DIAPH2: variants seen among roughly 807,000 people sequenced by gnomAD.
DIAPH2 encodes the protein protein diaphanous homolog 2.
Under a neutral mutation model 92.7 loss-of-function variants are expected in DIAPH2, and 35 were observed. The observed-to-expected ratio is 0.38, with a 90% CI of 0.29 to 0.50. DIAPH2 has a LOEUF of 0.50. Ranked by LOEUF, DIAPH2 falls within the 20% of genes least tolerant of loss-of-function variation. The pLI, the probability that DIAPH2 is intolerant of heterozygous loss-of-function variation, is 0.94. For missense variants in DIAPH2, 701 were observed against 819.5 expected, an observed-to-expected ratio of 0.86 and a Z score of 1.77; for synonymous variants, 301 against 280.4, an observed-to-expected ratio of 1.07 and a Z score of -0.73.
intron 26 of DIAPH2, among the ~76,000 whole-genome samples, chrX:97,527,093 G>A (rs376348939): frequency 2.5e-4 from 28 of 111,998 alleles, no homozygotes; most frequent in Middle Eastern, 4.6e-3. Context: ...CACTGCAAGC[G>A]AAAGAAAAAT....
intron 26 of DIAPH2, among the ~76,000 whole-genome samples, chrX:97,471,063 G>C (rs1344039284): frequency 1.8e-5 from 2 of 111,737 alleles, no homozygotes; most frequent in Non-Finnish European, 3.8e-5. Flanking sequence ...TTTTCCTCTG[G>C]TCTTTCTCAC....
At chrX:96,873,751 C>G (rs1160598580) in intron 4 of DIAPH2, among the ~76,000 whole-genome samples, 4 of 106,868 alleles carry the variant, frequency 3.7e-5, no homozygotes, top group African/African-American at 1.4e-4. Context: ...ACAAATAAAA[C>G]TAGGGAAATT....
At chrX:96,686,302 A>C (rs751398049) in intron 1 of DIAPH2, among the ~76,000 whole-genome samples, 6 of 111,900 alleles carry the variant, frequency 5.4e-5, no homozygotes, top group Non-Finnish European at 9.4e-5. Flanking sequence ...TCAGTGATTA[A>C]AAATTTAAGT....
chrX:97,496,705 G>C (rs1473355805), intron 26 of DIAPH2, among the ~76,000 whole-genome samples: 8 of 97,888 alleles, frequency 8.2e-5, no homozygotes, highest in African/African-American at 3.1e-4. Context: ...TGTCACCAAG[G>C]GGGGAGTGCC....
intron 4 of DIAPH2, among the ~76,000 whole-genome samples, chrX:96,868,690 AAGC>A (rs2065120014): frequency 9.0e-6 from 1 of 111,458 alleles, no homozygotes. Flanking sequence ...ATACCTGAAT[AAGC>A]TCTGCTGGGA....
At chrX:97,323,923 A>T (rs1411455032) in intron 23 of DIAPH2, among the ~76,000 whole-genome samples, 1 of 109,637 alleles carries the variant, frequency 9.1e-6, no homozygotes, top group Non-Finnish European at 1.9e-5. Context: ...AAAAAAAAAA[A>T]AATAAGTAAG....
intron 9 of DIAPH2, among the ~76,000 whole-genome samples, chrX:96,919,643 T>G (rs1602629146): frequency 9.0e-6 from 1 of 111,646 alleles, no homozygotes; most frequent in Non-Finnish European, 1.9e-5. Flanking sequence ...AAGTATTTTT[T>G]GTATTATGTA....
At chrX:97,549,630 C>T (rs1381677139) in intron 26 of DIAPH2, among the ~76,000 whole-genome samples, 1 of 111,099 alleles carries the variant, frequency 9.0e-6, no homozygotes, top group Non-Finnish European at 1.9e-5. Context: ...TGATAAATTA[C>T]CACTTAATCT....
chrX:97,185,411 G>GTGTATA, intron 22 of DIAPH2, among the ~76,000 whole-genome samples: 1 of 26,648 alleles, frequency 3.8e-5, no homozygotes, highest in African/African-American at 2.3e-4. Flanking sequence ...ATATATATAT[G>GTGTATA]TATATATATA....
chrX:97,400,848 T>G (rs909154693), intron 25 of DIAPH2, among the ~76,000 whole-genome samples: 1 of 111,212 alleles, frequency 9.0e-6, no homozygotes, highest in African/African-American at 3.3e-5. Flanking sequence ...AGTAGGATCA[T>G]TATTTTTATT....
chrX:97,427,681 T>TTTTTGTTTTTGA (rs2070083936), intron 25 of DIAPH2, among the ~76,000 whole-genome samples: 4 of 109,334 alleles, frequency 3.7e-5, no homozygotes. Context: ...TTTGTTTTTG[T>TTTTTGTTTTTGA]TTTTGTTTTT....
At chrX:97,356,059 C>T (rs1485385766) in intron 24 of DIAPH2, among the ~76,000 whole-genome samples, 2 of 111,691 alleles carry the variant, frequency 1.8e-5, no homozygotes, top group African/African-American at 6.5e-5. Context: ...TCCTACTGCT[C>T]CAATTTTGTC....
At chrX:96,775,633 A>G (rs185701135) in intron 4 of DIAPH2, among the ~76,000 whole-genome samples, 106 of 110,735 alleles carry the variant, frequency 9.6e-4, no homozygotes, top group African/African-American at 3.3e-3. Flanking sequence ...TAGGAAAACC[A>G]CCACATGAAA....
chrX:97,322,881 T>C (rs914690364), intron 23 of DIAPH2, among the ~76,000 whole-genome samples: 39 of 107,851 alleles, frequency 3.6e-4, no homozygotes, highest in South Asian at 8.1e-4. Flanking sequence ...TTTTAACATT[T>C]ATTCTTAAGT....
chrX:96,999,837 G>T (rs1298324503), intron 17 of DIAPH2, among the ~76,000 whole-genome samples: 1 of 111,088 alleles, frequency 9.0e-6, no homozygotes, highest in Admixed American at 9.6e-5. Context: ...CATAGAGGTG[G>T]TTTTTTTCCC....
intron 4 of DIAPH2, among the ~76,000 whole-genome samples, chrX:96,869,876 C>T (rs2065128695): frequency 9.0e-6 from 1 of 110,695 alleles, no homozygotes; most frequent in African/African-American, 3.3e-5. Flanking sequence ...TTTATTGTTC[C>T]CATTTTGCCA....
chrX:97,604,649 C>T lies in DIAPH2; in HGVS notation c.*5332C>T, dbSNP rs1042371097. 8.9e-6 allele frequency: 1 copy of T among 112,192 alleles called. No homozygotes were observed. Among genetic ancestry groups the T allele is most frequent in the Admixed American group, 9.5e-5 (1 of 10,565 alleles). 9.2% of individuals were successfully genotyped at this position (112,192 alleles called of 1,213,427 possible). A position where few individuals can be genotyped will look rare whatever the true frequency, so the allele number is the denominator to read the frequency against. ...ATCCCAACTCTGTGCTCTGATGTAC[C>T]TCTTCTGCCCCTTTTATGACACCTT... On this transcript the variant is annotated 3_prime_UTR_variant, in exon 27 of 27. Transcript: ENST00000324765.
chrX:96,714,114 CT>C (rs1243650056), intron 1 of DIAPH2, among the ~76,000 whole-genome samples: 2 of 110,697 alleles, frequency 1.8e-5, no homozygotes, highest in African/African-American at 3.3e-5. Context: ...ACAGCCTCCA[CT>C]TTTTTTTCTA....
At chrX:97,551,133 G>T (rs1374141966) in intron 26 of DIAPH2, among the ~76,000 whole-genome samples, 1 of 110,998 alleles carries the variant, frequency 9.0e-6, no homozygotes, top group Non-Finnish European at 1.9e-5. Flanking sequence ...GGAGGCAGGG[G>T]AGAGGTATGA....
Sources: allele counts gnomAD v4.1 joint callset (sites outside exome capture counted in the v4.1 genomes callset), GRCh38; gene constraint gnomAD v4.1.1; transcripts MANE v1.5; gene names NCBI Gene and HGNC (gene_info 2026-07-23, HGNC 2026-07-21).